NXPE4: variants seen among roughly 807,000 people sequenced by gnomAD.
The protein encoded by NXPE4 is neurexophilin and PC-esterase domain family member 4.
A neutral mutation model predicts 33.3 loss-of-function variants in NXPE4; 42 were observed. The observed-to-expected ratio is 1.26, with a 90% CI of 0.98 to 1.63. The LOEUF (loss-of-function observed/expected upper bound fraction) is 1.63. Ranked by LOEUF, NXPE4 falls within the 40% of genes most tolerant of loss-of-function variation. The pLI, the probability that NXPE4 is intolerant of heterozygous loss-of-function variation, is 0.00. For synonymous variants in NXPE4, 253 were observed against 234.9 expected, an observed-to-expected ratio of 1.08 and a Z score of -0.71; for missense variants, 709 against 647.6, an observed-to-expected ratio of 1.09 and a Z score of -1.03.
At chr11:114,587,970 G>T (rs973848902) in intron 2 of NXPE4, among the ~76,000 whole-genome samples, 1 of 152,138 alleles carries the variant, frequency 6.6e-6, no homozygotes, top group South Asian at 2.1e-4. Flanking sequence ...ATTTTCTGTA[G>T]ATGGGACAGC....
chr11:114,641,960 T>C, the NXPE4 span, among the ~76,000 whole-genome samples: 3 of 152,076 alleles, frequency 2.0e-5, no homozygotes, highest in Admixed American at 2.0e-4. Context: ...GGACATATTT[T>C]TGTGGTATAT....
the NXPE4 span, among the ~76,000 whole-genome samples, chr11:114,620,511 G>T: frequency 6.6e-6 from 1 of 151,672 alleles, no homozygotes; most frequent in Non-Finnish European, 1.5e-5. Flanking sequence ...TGCCTCTAGG[G>T]TAACCACTTT....
At chr11:114,596,200 C>T (rs1377017823), upstream of NXPE4, among the ~76,000 whole-genome samples, 1 of 152,172 alleles carries the variant, frequency 6.6e-6, no homozygotes, top group African/African-American at 2.4e-5. Flanking sequence ...ACTAAAAGAA[C>T]TTCAAATATA....
chr11:114,601,631 T>A, the NXPE4 span, among the ~76,000 whole-genome samples: 2 of 81,186 alleles, frequency 2.5e-5, no homozygotes, highest in South Asian at 3.2e-4. Context: ...TATATATTAT[T>A]TATAATTATA....
chr11:114,673,150 A>G, the NXPE4 span, among the ~76,000 whole-genome samples: 1 of 150,100 alleles, frequency 6.7e-6, no homozygotes, highest in African/African-American at 2.4e-5. Context: ...ATATGGAATG[A>G]AATTAGAAAT....
chr11:114,598,387 C>G (rs559600028), upstream of NXPE4, among the ~76,000 whole-genome samples: 2 of 141,484 alleles, frequency 1.4e-5, no homozygotes, highest in African/African-American at 5.3e-5. Flanking sequence ...TTTCTCACAG[C>G]TCCACTAGGC....
chr11:114,617,295 C>T, the NXPE4 span, among the ~76,000 whole-genome samples: 2 of 151,522 alleles, frequency 1.3e-5, no homozygotes, highest in African/African-American at 4.9e-5. Context: ...ACCACCATTA[C>T]CCACCAGATA....
At chr11:114,671,177 T>C in the NXPE4 span, among the ~76,000 whole-genome samples, 1 of 150,780 alleles carries the variant, frequency 6.6e-6, no homozygotes, top group African/African-American at 2.4e-5. Context: ...TACTTAACAG[T>C]AGATTTGAAC....
At chr11:114,635,690 G>A in the NXPE4 span, among the ~76,000 whole-genome samples, 2 of 151,804 alleles carry the variant, frequency 1.3e-5, no homozygotes, top group Admixed American at 1.3e-4. Flanking sequence ...GTTGAATTTT[G>A]TCAAAGGCCT....
At chr11:114,639,172 T>C in the NXPE4 span, among the ~76,000 whole-genome samples, 3 of 152,046 alleles carry the variant, frequency 2.0e-5, no homozygotes, top group African/African-American at 7.2e-5. Flanking sequence ...TGGGCAATGG[T>C]GGGCACCCCT....
At chr11:114,574,369 TA>T (rs1429531904) in intron 5 of NXPE4, among the ~76,000 whole-genome samples, 3 of 151,542 alleles carry the variant, frequency 2.0e-5, no homozygotes, top group Non-Finnish European at 3.0e-5. Context: ...AGAGCAGAAG[TA>T]AATGAAACTG....
Position 114,582,383 on chromosome 11 carries a change from C to T in NXPE4, c.735G>A (p.Arg245=). The change falls in exon 3 of 6, where the codon AGG becomes AGA. Residue 245 remains arginine (R), a synonymous_variant. Transcript: ENST00000375478. ...GTGCAGCACAGGGCATGTGTTGAGG[C>T]CTCACACAGTAGAAGCCTTCTTGGT... The part of the protein sequence containing the change: ...NRDQEGFYCV[R]PQHMPCAALT... 6.2e-7 allele frequency: 1 copy of T among 1,614,168 alleles called. No individual in the cohort carries two copies. The highest frequency in any genetic ancestry group is 1.3e-5 in the African/African-American group (1 of 75,058).
intron 5 of NXPE4, among the ~76,000 whole-genome samples, chr11:114,577,040 T>A (rs1262887674): frequency 3.2e-5 from 1 of 31,412 alleles, no homozygotes. Flanking sequence ...TATATATATA[T>A]AAAGTTATAT....
the NXPE4 span, among the ~76,000 whole-genome samples, chr11:114,604,252 T>G: frequency 2.6e-5 from 4 of 151,812 alleles, no homozygotes; most frequent in African/African-American, 9.7e-5. Context: ...GTGTTGACTC[T>G]TGGGTAACCA....
chr11:114,601,339 TG>T, the NXPE4 span, among the ~76,000 whole-genome samples: 154 of 148,634 alleles, frequency 1.0e-3, no homozygotes, highest in African/African-American at 3.7e-3. Flanking sequence ...TGAGAATATG[TG>T]GTATTTGGTT....
At chr11:114,619,832 C>A in the NXPE4 span, among the ~76,000 whole-genome samples, 1 of 151,844 alleles carries the variant, frequency 6.6e-6, no homozygotes, top group East Asian at 2.0e-4. Flanking sequence ...ATAAGTGTTG[C>A]CTCGTTGGTA....
Position 114,582,731 on chromosome 11 carries a change from G to C in NXPE4, c.387C>G (p.Arg129=). The C allele has an allele frequency of 6.2e-7, 1 of 1,614,172 alleles. No individual in the cohort carries two copies. Among genetic ancestry groups the C allele is most frequent in the Non-Finnish European group, 8.5e-7 (1 of 1,180,012 alleles). ...ILLEVRDHLG[R]RKQYGGDFLR... ...GGAAATCCCCGCCATATTGCTTCCTGCGTCCCAAGTGGTCCCTCACCTCCA... is the reference window on the plus strand; with the variant it reads ...GGAAATCCCCGCCATATTGCTTCCTCCGTCCCAAGTGGTCCCTCACCTCCA... The change falls in exon 3 of 6, where the codon CGC becomes CGG. Residue 129 remains arginine (R), a synonymous_variant. Coordinates refer to ENST00000375478, the MANE Select transcript of NXPE4 (RefSeq NM_001077639.2).
chr11:114,598,015 G>A (rs1949597152), upstream of NXPE4, among the ~76,000 whole-genome samples: 1 of 152,098 alleles, frequency 6.6e-6, no homozygotes, highest in Non-Finnish European at 1.5e-5. Flanking sequence ...TTCCACCTAT[G>A]AGCCTGTAAA....
the NXPE4 span, among the ~76,000 whole-genome samples, chr11:114,625,492 C>T: frequency 1.3e-5 from 2 of 152,006 alleles, no homozygotes; most frequent in East Asian, 2.0e-4. Context: ...TGTATGGCCT[C>T]GTGGGTAACC....
Sources: gnomAD v4.1 joint callset for allele counts (sites outside exome capture counted in the v4.1 genomes callset) on GRCh38, gnomAD v4.1.1 for gene constraint, MANE v1.5 for transcripts, NCBI Gene and HGNC (gene_info 2026-07-23, HGNC 2026-07-21) for gene names.